The following ARMH3 variants were observed in gnomAD, a reference collection of about 807,000 sequenced individuals.
ARMH3 encodes the protein armadillo-like helical domain-containing protein 3.
A neutral mutation model predicts 99.1 loss-of-function variants in ARMH3; 60 were observed. That is an observed-to-expected ratio of 0.61 (90% CI 0.49 to 0.75). ARMH3 has a LOEUF of 0.75. Among genes scored for constraint, ARMH3 ranks in the 30% least tolerant of loss-of-function variants. The pLI, the probability that ARMH3 is intolerant of heterozygous loss-of-function variation, is 0.00. For missense variants in ARMH3, 679 were observed against 843.1 expected, an observed-to-expected ratio of 0.81 and a Z score of 2.41; for synonymous variants, 285 against 292.8, an observed-to-expected ratio of 0.97 and a Z score of 0.27.
chr10:102,038,168 C>G (rs1290680093), intron 2 of ARMH3, among the ~76,000 whole-genome samples: 1 of 146,652 alleles, frequency 6.8e-6, no homozygotes, highest in Non-Finnish European at 1.5e-5. Context: ...GATCTCAGCT[C>G]ACTGCAAGCT....
At chr10:102,035,945 G>A (rs1286380733) in intron 2 of ARMH3, among the ~76,000 whole-genome samples, 6 of 151,678 alleles carry the variant, frequency 4.0e-5, no homozygotes, top group South Asian at 2.1e-4. Flanking sequence ...CGGCCATCCC[G>A]TCTAGGAAGT....
intron 8 of ARMH3, among the ~76,000 whole-genome samples, chr10:102,021,634 G>A (rs1278708856): frequency 7.3e-5 from 11 of 150,870 alleles, no homozygotes; most frequent in South Asian, 2.1e-4. Flanking sequence ...TGCAAGCTCC[G>A]CCTCCTGGGT....
rs372933720 is a variant in ARMH3 at position 102,029,588 on chromosome 10, C to T, written c.414+50G>A. ...TTTGTCTGCTGATAGTGTCCAGGAA[C>T]AGCTGTCAGAAGCTGCCATCCACAG... On this transcript the variant is annotated intron_variant, in intron 5 of 25. Coordinates refer to ENST00000370033, the MANE Select transcript of ARMH3 (RefSeq NM_024541.3). 3.1e-6 allele frequency: 5 copies of T among 1,614,234 alleles called. No homozygotes were observed. In the East Asian group the frequency reaches 8.9e-5, roughly 29 times the overall value.
intron 23 of ARMH3, among the ~76,000 whole-genome samples, chr10:101,914,475 G>C (rs1159958951): frequency 7.1e-6 from 1 of 140,958 alleles, no homozygotes; most frequent in Non-Finnish European, 1.5e-5. Context: ...GCCACAGAGC[G>C]AGACTCTGTC....
intron 23 of ARMH3, among the ~76,000 whole-genome samples, chr10:101,900,799 T>C (rs117527054): frequency 2.3e-4 from 35 of 152,168 alleles, no homozygotes; most frequent in Non-Finnish European, 3.7e-4. Context: ...TTGGGCAACA[T>C]AGTGAGACCC....
chr10:101,873,029 C>A (rs2067169133), intron 24 of ARMH3, among the ~76,000 whole-genome samples: 1 of 151,864 alleles, frequency 6.6e-6, no homozygotes, highest in Admixed American at 6.6e-5. Flanking sequence ...CTCATAATTC[C>A]CAGTGTGGCA....
At chr10:101,870,487 T>G (rs1326904496) in intron 24 of ARMH3, among the ~76,000 whole-genome samples, 1 of 152,004 alleles carries the variant, frequency 6.6e-6, no homozygotes, top group African/African-American at 2.4e-5. Flanking sequence ...GCAAGTAGAG[T>G]GAAATGTAAA....
rs10639768 is a variant in ARMH3 at position 102,007,159 on chromosome 10, CA to C, written c.955-527del. Among the ~76,000 whole-genome samples the C allele has an allele frequency of 1.6e-3, 98 of 60,038 alleles. 2 individuals carry two copies. The East Asian group carries it at 0.025, about 15-fold the overall frequency. 39.4% of individuals were successfully genotyped at this position (60,038 alleles called of 152,430 possible). A position where few individuals can be genotyped will look rare whatever the true frequency, so the allele number is the denominator to read the frequency against. On this transcript the variant is annotated intron_variant, in intron 13 of 25. Transcript: ENST00000370033. ...CTGGTGACACAGCAAGACTCTATCTCAAAAAAAAAAAAAAAAAAAGAAAAAA... is the reference window on the plus strand; with the variant it reads ...CTGGTGACACAGCAAGACTCTATCTCAAAAAAAAAAAAAAAAAAGAAAAAA...
intron 14 of ARMH3, among the ~76,000 whole-genome samples, chr10:102,003,335 G>A (rs1037700115): frequency 6.6e-6 from 1 of 151,988 alleles, no homozygotes; most frequent in African/African-American, 2.4e-5. Context: ...GCTAATTTTT[G>A]TATTTTAGTA....
chr10:102,018,495 C>T (rs2066801263), intron 8 of ARMH3, among the ~76,000 whole-genome samples: 1 of 152,194 alleles, frequency 6.6e-6, no homozygotes, highest in Admixed American at 6.5e-5. Flanking sequence ...TAATGGACTG[C>T]ATATACTATG....
intron 19 of ARMH3, among the ~76,000 whole-genome samples, chr10:101,981,114 C>T (rs552642920): frequency 2.0e-5 from 3 of 150,808 alleles, no homozygotes; most frequent in South Asian, 2.1e-4. Context: ...GGCCATGGCA[C>T]GCATATACCT....
intron 24 of ARMH3, among the ~76,000 whole-genome samples, chr10:101,881,531 G>A (rs1359370834): frequency 1.3e-5 from 2 of 151,970 alleles, no homozygotes; most frequent in African/African-American, 4.8e-5. Flanking sequence ...TGATTAAAAC[G>A]GTAAGTAGTG....
chr10:101,940,069 A>G, intron 22 of ARMH3, 131 bp from the exon 23 acceptor site: 1 of 631,050 alleles, frequency 1.6e-6, no homozygotes, highest in Non-Finnish European at 2.7e-6. Flanking sequence ...TCTGTTAAAA[A>G]CATCCTCAGC....
intron 20 of ARMH3, among the ~76,000 whole-genome samples, chr10:101,965,581 G>A (rs192609777): frequency 9.2e-5 from 14 of 152,264 alleles, no homozygotes; most frequent in African/African-American, 2.4e-4. Context: ...CCTAATCCTT[G>A]CTGTTTCATC....
chr10:101,861,435 ATTAAAAGAAGTTCTTGAC>A (rs2066865930), intron 24 of ARMH3, among the ~76,000 whole-genome samples: 1 of 152,210 alleles, frequency 6.6e-6, no homozygotes, highest in African/African-American at 2.4e-5. Context: ...TACAAGAGAT[ATTAAAAGAAGTTCTTGAC>A]TGGGCACAGT....
At chr10:101,963,123 C>T (rs535453903) in intron 20 of ARMH3, among the ~76,000 whole-genome samples, 2 of 151,264 alleles carry the variant, frequency 1.3e-5, no homozygotes, top group South Asian at 2.1e-4. Flanking sequence ...GAACCCATCA[C>T]CATGCCCGGA....
chr10:101,928,463 G>A (rs565135695), intron 23 of ARMH3, among the ~76,000 whole-genome samples: 1 of 152,284 alleles, frequency 6.6e-6, no homozygotes, highest in Non-Finnish European at 1.5e-5. Context: ...ATAAAAACGG[G>A]CCACAATCGG....
intron 1 of ARMH3, among the ~76,000 whole-genome samples, chr10:102,043,025 T>C (rs1342212113): frequency 6.6e-6 from 1 of 152,166 alleles, no homozygotes; most frequent in Non-Finnish European, 1.5e-5. Context: ...TGAGACGAGA[T>C]TGCGCCACTG....
In ARMH3 at chr10:101,982,021, C is replaced by CAAAAAA. The variant is rs71016356; in HGVS notation, c.1407-6727_1407-6722dup. Among the ~76,000 whole-genome samples the CAAAAAA allele has an allele frequency of 2.1e-3, 123 of 58,638 alleles. 1 individual carries two copies. The highest frequency in any genetic ancestry group is 2.6e-3 in the Non-Finnish European group (90 of 34,102). The allele number at this position is 58,638 out of a possible 152,430, so 38.5% of individuals were successfully genotyped here. ...TGGGCGACAGAGCGAGACTCTATCT[C>CAAAAAA]AAAAAAAAAAAAAAAAAAAAAAACA... On this transcript the variant is annotated intron_variant, in intron 19 of 25. Coordinates refer to ENST00000370033, the MANE Select transcript of ARMH3 (RefSeq NM_024541.3).
Sources: gnomAD v4.1 joint callset for allele counts (sites outside exome capture counted in the v4.1 genomes callset) on GRCh38, gnomAD v4.1.1 for gene constraint, MANE v1.5 for transcripts, NCBI Gene and HGNC (gene_info 2026-07-23, HGNC 2026-07-21) for gene names.